The following GRIN2B variants were observed in gnomAD, a reference collection of about 807,000 sequenced individuals.
GRIN2B encodes the protein glutamate receptor ionotropic, NMDA 2B.
Under a neutral mutation model 114.5 loss-of-function variants are expected in GRIN2B, and 5 were observed. The ratio of observed to expected loss-of-function variants is 0.04; its 90% CI spans 0.02 to 0.09. The LOEUF (loss-of-function observed/expected upper bound fraction) is 0.09. GRIN2B is among the 10% of genes least tolerant of loss of function. GRIN2B has a pLI of 1.00. For synonymous variants in GRIN2B, 787 were observed against 745.1 expected, an observed-to-expected ratio of 1.06 and a Z score of -0.92; for missense variants, 1,108 against 1,943.5, an observed-to-expected ratio of 0.57 and a Z score of 8.08.
At chr12:13,976,280 GTA>G (rs1435769909) in intron 2 of GRIN2B, among the ~76,000 whole-genome samples, 1 of 152,210 alleles carries the variant, frequency 6.6e-6, no homozygotes, top group African/African-American at 2.4e-5. Context: ...CATTAGACCA[GTA>G]ACTCTTTTGA....
chr12:13,867,793 A>G (rs1865849785), intron 2 of GRIN2B, among the ~76,000 whole-genome samples: 1 of 152,048 alleles, frequency 6.6e-6, no homozygotes, highest in Admixed American at 6.6e-5. Context: ...GCAATACTCT[A>G]CAAACTGCAA....
rs574069944 is a variant in GRIN2B, at chr12:13,707,953, T to A, written c.1011-32094A>T. 2.0e-5 allele frequency among the ~76,000 whole-genome samples: 3 copies of A among 152,116 alleles called. No individual in the cohort carries two copies. The East Asian group carries it at 5.8e-4, about 30-fold the overall frequency. Reference sequence around the variant, plus strand: ...CCACAGAGCTCTTGTAGAGAGCTGATCTGCTGGACCCAAGCTGAAGGTCTA... The same window carrying A: ...CCACAGAGCTCTTGTAGAGAGCTGAACTGCTGGACCCAAGCTGAAGGTCTA... On this transcript the variant is annotated intron_variant, in intron 4 of 13. Coordinates refer to ENST00000609686, the MANE Select transcript of GRIN2B (RefSeq NM_000834.5).
chr12:13,634,735 G>C (rs148944908), intron 5 of GRIN2B, among the ~76,000 whole-genome samples: 29 of 152,344 alleles, frequency 1.9e-4, no homozygotes, highest in African/African-American at 6.3e-4. Flanking sequence ...TACTGGGCAT[G>C]GTTGGGGAAG....
chr12:13,834,054 G>A (rs1341595291), intron 3 of GRIN2B, among the ~76,000 whole-genome samples: 3 of 116,880 alleles, frequency 2.6e-5, no homozygotes, highest in East Asian at 2.9e-4. Context: ...TTTTTGAGAC[G>A]GAGTCTCGCA....
chr12:13,726,845 G>A (rs1862998928), intron 4 of GRIN2B, among the ~76,000 whole-genome samples: 6 of 151,946 alleles, frequency 3.9e-5, no homozygotes, highest in Admixed American at 3.9e-4. Flanking sequence ...GTCCACAAAA[G>A]TCCATTGTGT....
intron 2 of GRIN2B, among the ~76,000 whole-genome samples, chr12:13,893,347 G>A (rs144472072): frequency 6.6e-6 from 1 of 151,900 alleles, no homozygotes; most frequent in Non-Finnish European, 1.5e-5. Context: ...TGGAGGGGAG[G>A]GGGTAGCAGA....
At chr12:13,926,546 C>A (rs193011818) in intron 2 of GRIN2B, among the ~76,000 whole-genome samples, 3 of 152,264 alleles carry the variant, frequency 2.0e-5, no homozygotes, top group East Asian at 1.9e-4. Context: ...ATGGATGGAA[C>A]CTGGATGAGA....
intron 2 of GRIN2B, among the ~76,000 whole-genome samples, chr12:13,953,514 C>A (rs146899534): frequency 1.1e-3 from 170 of 152,308 alleles, no homozygotes; most frequent in African/African-American, 4.0e-3. Context: ...GAGCAAAAAC[C>A]TTGCAGACCA....
chr12:13,889,417 C>T (rs558086415), intron 2 of GRIN2B, among the ~76,000 whole-genome samples: 7 of 152,252 alleles, frequency 4.6e-5, no homozygotes, highest in Admixed American at 3.3e-4. Context: ...TCTGAGTCTA[C>T]TGAAGAAATT....
chr12:13,660,186 A>G (rs558327308), intron 5 of GRIN2B, among the ~76,000 whole-genome samples: 1 of 152,298 alleles, frequency 6.6e-6, no homozygotes, highest in South Asian at 2.1e-4. Flanking sequence ...ATTCTCTTCC[A>G]AATAATCAAG....
Position 13,551,429 on chromosome 12 carries a change from G to C in GRIN2B, c.*11354C>G, listed in dbSNP as rs925075530. ...ATTCCATAGGGTAAAATGGGAAAAT[G>C]GAGACGATAACTAGGTTGTTTCATC... On this transcript the variant is annotated 3_prime_UTR_variant, in exon 14 of 14. Coordinates refer to ENST00000609686, the MANE Select transcript of GRIN2B (RefSeq NM_000834.5). 2 of 152,144 alleles carry C rather than the reference G, an allele frequency of 1.3e-5. No homozygotes were observed. The highest frequency in any genetic ancestry group is 3.9e-4 in the East Asian group (2 of 5,192). The allele number at this position is 152,144 out of a possible 1,614,324, so 9.4% of individuals were successfully genotyped here.
At chr12:13,880,758 GAACCT>G (rs893388598) in intron 2 of GRIN2B, among the ~76,000 whole-genome samples, 40 of 152,196 alleles carry the variant, frequency 2.6e-4, no homozygotes, top group Admixed American at 7.2e-4. Context: ...CTGCTCACAT[GAACCT>G]AAGTACAATG....
intron 3 of GRIN2B, among the ~76,000 whole-genome samples, chr12:13,844,551 C>T (rs965508952): frequency 2.0e-5 from 3 of 152,236 alleles, no homozygotes; most frequent in Non-Finnish European, 4.4e-5. Context: ...CATGGCACCA[C>T]TCATCAATCA....
At chr12:13,695,253 C>T (rs1312403520) in intron 4 of GRIN2B, among the ~76,000 whole-genome samples, 1 of 152,258 alleles carries the variant, frequency 6.6e-6, no homozygotes, top group African/African-American at 2.4e-5. Flanking sequence ...CTCACCTATC[C>T]CCTTCCTTCC....
intron 4 of GRIN2B, among the ~76,000 whole-genome samples, chr12:13,733,032 C>T (rs1464290503): frequency 1.3e-5 from 2 of 152,074 alleles, no homozygotes; most frequent in African/African-American, 4.8e-5. Flanking sequence ...TTAACCAGGA[C>T]TCTAGAGAAC....
At chr12:13,920,216 T>C (rs759619) in intron 2 of GRIN2B, among the ~76,000 whole-genome samples, 29,241 of 137,506 alleles carry the variant, frequency 0.21, 3,733 homozygotes, top group East Asian at 0.48. Context: ...CTGGGTAACA[T>C]AGCAAGACCC....
At chr12:13,854,778 G>A (rs1169076079) in intron 3 of GRIN2B, among the ~76,000 whole-genome samples, 1 of 152,034 alleles carries the variant, frequency 6.6e-6, no homozygotes. Flanking sequence ...TACTGTTGAT[G>A]GTTTGTGTTT....
At position 13,541,050 on chromosome 12, in the gene GRIN2B, A is replaced by G. The variant is rs1565441547; in HGVS notation, c.*21733T>C. On this transcript the variant is annotated 3_prime_UTR_variant, in exon 14 of 14. Coordinates refer to ENST00000609686, the MANE Select transcript of GRIN2B (RefSeq NM_000834.5). ...CACGCTCACACACATGTGCACAGGCACACACACGCATCAGTCATTGTGGCT... is the reference window on the plus strand; with the variant it reads ...CACGCTCACACACATGTGCACAGGCGCACACACGCATCAGTCATTGTGGCT... The G allele has an allele frequency of 6.6e-6, 1 of 152,382 alleles. No homozygotes were observed. The highest frequency in any genetic ancestry group is 6.5e-5 in the Admixed American group (1 of 15,304). 9.4% of individuals were successfully genotyped at this position (152,382 alleles called of 1,614,324 possible). A position where few individuals can be genotyped will look rare whatever the true frequency, so the allele number is the denominator to read the frequency against.
chr12:13,591,347 C>T (rs536556688), intron 10 of GRIN2B, among the ~76,000 whole-genome samples: 157 of 152,124 alleles, frequency 1.0e-3, no homozygotes, highest in Middle Eastern at 3.2e-3. Flanking sequence ...AGGAGCGAAC[C>T]CTGGGTGGAT....
Sources: allele counts gnomAD v4.1 joint callset (sites outside exome capture counted in the v4.1 genomes callset), GRCh38; gene constraint gnomAD v4.1.1; transcripts MANE v1.5; gene names NCBI Gene and HGNC (gene_info 2026-07-23, HGNC 2026-07-21).